CCDC69: variants seen among roughly 807,000 people sequenced by gnomAD.
The protein encoded by CCDC69 is coiled-coil domain-containing protein 69.
A neutral mutation model predicts 40.3 loss-of-function variants in CCDC69; 38 were observed. The observed-to-expected ratio is 0.94, with a 90% CI of 0.73 to 1.24. CCDC69 has a LOEUF of 1.24. Among genes scored for constraint, CCDC69 ranks in the 50% most tolerant of loss-of-function variants. The pLI, the probability that CCDC69 is intolerant of heterozygous loss-of-function variation, is 0.00. For synonymous variants in CCDC69, 141 were observed against 138.9 expected, an observed-to-expected ratio of 1.02 and a Z score of -0.11; for missense variants, 389 against 357.9, an observed-to-expected ratio of 1.09 and a Z score of -0.70.
rs774623747 is a variant in CCDC69, at chr5:151,183,312, T to C, written c.*125A>G. ...GGGCTCACTGGGCACACACCCAGGA[T>C]CTCCATCTCGCTCCCACCCTCGTTC... On this transcript the variant is annotated 3_prime_UTR_variant, in exon 9 of 9. Coordinates refer to ENST00000355417, the MANE Select transcript of CCDC69 (RefSeq NM_015621.3). 9.1e-7 allele frequency: 1 copy of C among 1,092,898 alleles called. No homozygotes were observed. Among genetic ancestry groups the C allele is most frequent in the South Asian group, 1.3e-5 (1 of 74,232 alleles). 67.7% of individuals were successfully genotyped at this position (1,092,898 alleles called of 1,614,324 possible). A position where few individuals can be genotyped will look rare whatever the true frequency, so the allele number is the denominator to read the frequency against.
chr5:151,219,576 C>T (rs1362480093), intron 1 of CCDC69, among the ~76,000 whole-genome samples: 2 of 151,998 alleles, frequency 1.3e-5, no homozygotes, highest in South Asian at 2.1e-4. Flanking sequence ...AAAATGCCCC[C>T]GGAAGAATAT....
chr5:151,195,770 C>A (rs1046493899), intron 4 of CCDC69, among the ~76,000 whole-genome samples: 22 of 149,878 alleles, frequency 1.5e-4, no homozygotes, highest in African/African-American at 5.2e-4. Context: ...CACACACCCA[C>A]ACACACCCAC....
intron 3 of CCDC69, among the ~76,000 whole-genome samples, chr5:151,200,111 T>A (rs1168735450): frequency 6.6e-6 from 1 of 152,180 alleles, no homozygotes; most frequent in Non-Finnish European, 1.5e-5. Context: ...ACCATGTGAT[T>A]TAATAGAGTG....
rs995745838 is a variant in CCDC69, at chr5:151,181,606, G to C, written c.*1831C>G. On this transcript the variant is annotated 3_prime_UTR_variant, in exon 9 of 9. Transcript: ENST00000355417. ...AGGGACAGAAGCTTTGTTCAAAGAG[G>C]TTTGGGAGAGGCTGGATACTTAGCT... is the stretch of plus-strand genomic sequence containing the variant. 1 of 152,272 alleles carries C rather than the reference G, an allele frequency of 6.6e-6. No homozygotes were observed. The highest frequency in any genetic ancestry group is 2.4e-5 in the African/African-American group (1 of 41,456). 9.4% of individuals were successfully genotyped at this position (152,272 alleles called of 1,614,324 possible).
At chr5:151,214,685 CCG>C (rs1170261220) in intron 1 of CCDC69, among the ~76,000 whole-genome samples, 1 of 152,208 alleles carries the variant, frequency 6.6e-6, no homozygotes, top group Non-Finnish European at 1.5e-5. Context: ...CTCCGCTGCA[CCG>C]GGGACACGGC....
chr5:151,197,151 G>A (rs769446282), intron 4 of CCDC69, among the ~76,000 whole-genome samples: 69 of 152,362 alleles, frequency 4.5e-4, no homozygotes, highest in South Asian at 1.2e-3. Context: ...ATACAATCCC[G>A]TTTATATGCG....
At chr5:151,199,204 G>A in intron 3 of CCDC69, 120 bp from the exon 4 acceptor site, 1 of 785,532 alleles carries the variant, frequency 1.3e-6, no homozygotes, top group Non-Finnish European at 2.2e-6. Context: ...TCCTCTGAGG[G>A]ATGGGAATGA....
chr5:151,193,815 C>T (rs904039228), intron 4 of CCDC69, among the ~76,000 whole-genome samples: 18 of 152,154 alleles, frequency 1.2e-4, no homozygotes, highest in African/African-American at 3.9e-4. Flanking sequence ...AATCACCCCA[C>T]TGGCTAGGAG....
chr5:151,185,562 C>T (rs913003883), intron 6 of CCDC69, 21 bp from the exon 7 acceptor site: 9 of 1,611,852 alleles, frequency 5.6e-6, no homozygotes, highest in African/African-American at 1.3e-5. Context: ...ACAGAGTGAC[C>T]TCATTAGGCC....
intron 4 of CCDC69, among the ~76,000 whole-genome samples, chr5:151,195,511 G>T (rs1474244990): frequency 1.3e-5 from 2 of 151,974 alleles, no homozygotes; most frequent in African/African-American, 4.8e-5. Context: ...ATGAGGTCAG[G>T]AATTCGGGAC....
chr5:151,205,274 A>G (rs2113996247), intron 2 of CCDC69, 126 bp downstream of exon 2: 1 of 797,744 alleles, frequency 1.3e-6, no homozygotes, highest in East Asian at 2.5e-5. Context: ...TTTAGACACG[A>G]TACTCCTATT....
intron 1 of CCDC69, among the ~76,000 whole-genome samples, chr5:151,217,156 A>G (rs994491581): frequency 1.3e-5 from 2 of 152,238 alleles, no homozygotes; most frequent in African/African-American, 4.8e-5. Context: ...CTATGCACCT[A>G]ACAAAATATC....
At chr5:151,211,092 A>C (rs1752939485) in intron 1 of CCDC69, 1 of 152,266 alleles carries the variant, frequency 6.6e-6, no homozygotes, top group Non-Finnish European at 1.5e-5. Flanking sequence ...TACCTATTAC[A>C]TGCCTGCCCC....
chr5:151,194,813 A>G (rs1191577680), intron 4 of CCDC69, among the ~76,000 whole-genome samples: 2 of 145,944 alleles, frequency 1.4e-5, no homozygotes, highest in Non-Finnish European at 3.0e-5. Context: ...AATTGCTTGA[A>G]CCCGGGAGGC....
At position 151,205,494 on chromosome 5, in the gene CCDC69, C is replaced by T. The variant is rs1407316032; in HGVS notation, c.49-19G>A. 3 of 1,612,102 alleles carry T rather than the reference C, an allele frequency of 1.9e-6. No individual in the cohort carries two copies. Among genetic ancestry groups the T allele is most frequent in the East Asian group, 2.2e-5 (1 of 44,874 alleles). ...GGCGCTTCTGGAAGAAATGAGACAA[C>T]AGCAAGGCGTGGGTAGAGGGTGGGA... On this transcript the variant is annotated intron_variant, in intron 1 of 8. Transcript: ENST00000355417.
rs1443938984 is a variant in CCDC69, at chr5:151,223,914, G to T, written c.48+9C>A. 6.3e-7 allele frequency: 1 copy of T among 1,587,274 alleles called. No individual in the cohort carries two copies. The highest frequency in any genetic ancestry group is 1.7e-5 in the Admixed American group (1 of 57,194). On this transcript the variant is annotated intron_variant, in intron 1 of 8. Coordinates refer to ENST00000355417, the MANE Select transcript of CCDC69 (RefSeq NM_015621.3). Reference sequence around the variant, plus strand: ...TCTGAAAGCAAACTTCTCCGCCGGCGCCCTTTACCTTTTTCGGGGGTTTGC... The same window carrying T: ...TCTGAAAGCAAACTTCTCCGCCGGCTCCCTTTACCTTTTTCGGGGGTTTGC...
chr5:151,204,932 T>TGAGTTTCGGG (rs1752832260), intron 2 of CCDC69, among the ~76,000 whole-genome samples: 1 of 152,154 alleles, frequency 6.6e-6, no homozygotes, highest in African/African-American at 2.4e-5. Context: ...TGGGTGATGC[T>TGAGTTTCGGG]GAGTTTTGGG....
intron 1 of CCDC69, among the ~76,000 whole-genome samples, chr5:151,220,950 G>T (rs1233896192): frequency 6.6e-6 from 1 of 152,086 alleles, no homozygotes; most frequent in Admixed American, 6.5e-5. Flanking sequence ...CCTCCTGGGG[G>T]ATGTGACCAC....
At position 151,186,038 on chromosome 5, in the gene CCDC69, A is replaced by G. The variant is rs1752504411; in HGVS notation, c.480T>C (p.Tyr160=). ...RVEESILSRN[Y]KKHIQDYGSP... ...TGCCACCTACCTGGATATGTTTCTT[A>G]TAGTTTCGGCTCAGAATGGACTCCT... Residue 160 remains tyrosine (Y), a synonymous_variant, in exon 6 of 9, where the codon TAT becomes TAC. Coordinates refer to ENST00000355417, the MANE Select transcript of CCDC69 (RefSeq NM_015621.3). 6.2e-7 allele frequency: 1 copy of G among 1,613,652 alleles called. No individual in the cohort carries two copies. Among genetic ancestry groups the G allele is most frequent in the Non-Finnish European group, 8.5e-7 (1 of 1,179,670 alleles).
Sources: gnomAD v4.1 joint callset for allele counts (sites outside exome capture counted in the v4.1 genomes callset) on GRCh38, gnomAD v4.1.1 for gene constraint, MANE v1.5 for transcripts, NCBI Gene and HGNC (gene_info 2026-07-23, HGNC 2026-07-21) for gene names.